The following CCDC171 variants were observed in gnomAD, a reference collection of about 807,000 sequenced individuals.
The protein encoded by CCDC171 is coiled-coil domain-containing protein 171.
Under a neutral mutation model 168.2 loss-of-function variants are expected in CCDC171, and 177 were observed. The observed-to-expected ratio is 1.05, with a 90% CI of 0.93 to 1.19. The LOEUF (loss-of-function observed/expected upper bound fraction) is 1.19, where lower values mean the gene tolerates loss of function less well. CCDC171 is among the 50% of genes most tolerant of loss of function. The pLI, the probability that CCDC171 is intolerant of heterozygous loss-of-function variation, is 0.00. For missense variants in CCDC171, 1,991 were observed against 1,539.0 expected, an observed-to-expected ratio of 1.29 and a Z score of -4.91; for synonymous variants, 687 against 540.8, an observed-to-expected ratio of 1.27 and a Z score of -3.75.
chr9:15,641,205 G>C (rs1169245079), intron 7 of CCDC171, among the ~76,000 whole-genome samples: 1 of 152,046 alleles, frequency 6.6e-6, no homozygotes, highest in Non-Finnish European at 1.5e-5. Context: ...TGATACGTTT[G>C]GGGTAAACTT....
rs116513439 is a variant in CCDC171, at chr9:15,764,656, C to T, written c.2672-12944C>T. Among the ~76,000 whole-genome samples, 757 of 152,160 alleles carry T rather than the reference C, an allele frequency of 5.0e-3. 5 individuals carry two copies. The highest frequency in any genetic ancestry group is 0.017 in the African/African-American group (724 of 41,510). On this transcript the variant is annotated intron_variant, in intron 18 of 25. Transcript: ENST00000380701. ...TTATGTCTGAGAAATATATTAGACT[C>T]GTAAGTGTCAAGGAGGTGGCTGGAT...
At chr9:16,077,347 C>A in the CCDC171 span, among the ~76,000 whole-genome samples, 1 of 152,098 alleles carries the variant, frequency 6.6e-6, no homozygotes, top group Admixed American at 6.5e-5. Flanking sequence ...ATCATTGGTC[C>A]CAATTCTCTG....
chr9:15,776,825 A>G (rs1268899005), intron 18 of CCDC171, among the ~76,000 whole-genome samples: 1 of 152,210 alleles, frequency 6.6e-6, no homozygotes, highest in East Asian at 1.9e-4. Context: ...AATTAACACC[A>G]ACAGCAGAGG....
intron 23 of CCDC171, among the ~76,000 whole-genome samples, chr9:15,849,166 T>C (rs1489164322): frequency 2.6e-5 from 4 of 151,850 alleles, no homozygotes; most frequent in Admixed American, 2.6e-4. Flanking sequence ...AAAATAGTGG[T>C]TTCCCCAAAC....
chr9:15,863,751 G>T (rs1268494294), intron 23 of CCDC171, among the ~76,000 whole-genome samples: 5 of 151,874 alleles, frequency 3.3e-5, no homozygotes, highest in Non-Finnish European at 5.9e-5. Context: ...GTTCATTTCT[G>T]TTTTTATTGG....
At chr9:15,863,253 G>T (rs1234516523) in intron 23 of CCDC171, among the ~76,000 whole-genome samples, 2 of 151,994 alleles carry the variant, frequency 1.3e-5, no homozygotes, top group Non-Finnish European at 2.9e-5. Context: ...TGGGAGTGGG[G>T]ATTACGATTA....
the CCDC171 span, among the ~76,000 whole-genome samples, chr9:16,087,374 T>A: frequency 6.6e-6 from 1 of 152,152 alleles, no homozygotes; most frequent in African/African-American, 2.4e-5. Context: ...TAAGTCTCTT[T>A]GTAGGTCTCT....
chr9:15,978,797 T>A (rs184326381), downstream of CCDC171, among the ~76,000 whole-genome samples: 4 of 152,294 alleles, frequency 2.6e-5, no homozygotes, highest in Admixed American at 2.0e-4. Flanking sequence ...CCACAGTTTT[T>A]CACATATTTC....
intron 11 of CCDC171, among the ~76,000 whole-genome samples, chr9:15,716,421 C>G (rs1356148383): frequency 6.6e-6 from 1 of 151,942 alleles, no homozygotes; most frequent in East Asian, 1.9e-4. Flanking sequence ...TAGGTTAAGT[C>G]AAATCACTCA....
At chr9:15,650,531 C>T (rs2047432462) in intron 7 of CCDC171, among the ~76,000 whole-genome samples, 1 of 152,074 alleles carries the variant, frequency 6.6e-6, no homozygotes, top group Non-Finnish European at 1.5e-5. Flanking sequence ...ATTTACATAT[C>T]TTTTTTAGAC....
intron 16 of CCDC171, among the ~76,000 whole-genome samples, chr9:15,731,037 T>C (rs1440798754): frequency 6.6e-6 from 1 of 152,092 alleles, no homozygotes; most frequent in Non-Finnish European, 1.5e-5. Context: ...AAGATATCTA[T>C]CACCTTGAGC....
chr9:15,666,677 T>G (rs1468804061), intron 9 of CCDC171, among the ~76,000 whole-genome samples: 1 of 152,074 alleles, frequency 6.6e-6, no homozygotes, highest in African/African-American at 2.4e-5. Flanking sequence ...ATAAAAAAAT[T>G]AGCCAAGTAT....
At chr9:16,066,618 C>G (rs7860040), downstream of CCDC171, among the ~76,000 whole-genome samples, 3 of 123,358 alleles carry the variant, frequency 2.4e-5, no homozygotes, top group Non-Finnish European at 1.7e-5. Context: ...CCCCTCCCCC[C>G]ACCCCACAAC....
the CCDC171 span, among the ~76,000 whole-genome samples, chr9:16,095,558 C>T: frequency 1.9e-4 from 29 of 152,022 alleles, 1 homozygote; most frequent in South Asian, 2.1e-3. Flanking sequence ...CTCTCTCTCG[C>T]GCACACACAT....
chr9:15,611,157 TG>T (rs762429179), intron 6 of CCDC171, among the ~76,000 whole-genome samples: 2 of 152,186 alleles, frequency 1.3e-5, no homozygotes, highest in Non-Finnish European at 2.9e-5. Flanking sequence ...GTGACGTGCC[TG>T]CTCCCCCTTC....
intron 11 of CCDC171, among the ~76,000 whole-genome samples, chr9:15,706,248 C>CCTTCCTTCCTTCCTTCCTTG (rs2052222438): frequency 1.1e-5 from 1 of 94,490 alleles, no homozygotes; most frequent in African/African-American, 3.7e-5. Flanking sequence ...TTCCTTGCTT[C>CCTTCCTTCCTTCCTTCCTTG]CTTCCTTCCT....
At chr9:15,657,016 G>C in intron 7 of CCDC171, 111 bp from the exon 8 acceptor site, 1 of 456,002 alleles carries the variant, frequency 2.2e-6, no homozygotes, top group Non-Finnish European at 3.8e-6. Flanking sequence ...AAAAAAAAAT[G>C]AGGCTGCAAG....
chr9:16,009,129 G>C (rs1425385231), intron 3 of CCDC171, among the ~76,000 whole-genome samples: 1 of 152,152 alleles, frequency 6.6e-6, no homozygotes, highest in African/African-American at 2.4e-5. Context: ...ATGGAGAACA[G>C]TTTAGGTCCT....
the CCDC171 span, among the ~76,000 whole-genome samples, chr9:16,083,010 G>A: frequency 6.6e-6 from 1 of 152,190 alleles, no homozygotes; most frequent in African/African-American, 2.4e-5. Flanking sequence ...ATGGTGTATG[G>A]TTGCAGATTT....
Sources: allele counts gnomAD v4.1 joint callset (sites outside exome capture counted in the v4.1 genomes callset), GRCh38; gene constraint gnomAD v4.1.1; transcripts MANE v1.5; gene names NCBI Gene and HGNC (gene_info 2026-07-23, HGNC 2026-07-21).